Variants in ZNF695 observed in about 807,000 individuals in gnomAD.
ZNF695 encodes zinc finger protein 695.
Under a neutral mutation model 11.2 loss-of-function variants are expected in ZNF695, and 11 were observed. That is an observed-to-expected ratio of 0.98 (90% CI 0.62 to 1.62). The LOEUF (loss-of-function observed/expected upper bound fraction) is 1.62. Ranked by LOEUF, ZNF695 falls within the 40% of genes most tolerant of loss-of-function variation. The pLI, the probability that ZNF695 is intolerant of heterozygous loss-of-function variation, is 0.00. For synonymous variants in ZNF695, 190 were observed against 201.4 expected (o/e 0.94, Z 0.48); for missense variants, 559 against 590.5 (o/e 0.95, Z 0.55).
intron 1 of ZNF695, among the ~76,000 whole-genome samples, chr1:247,000,421 C>T (rs2103031954): frequency 6.6e-6 from 1 of 151,334 alleles, no homozygotes; most frequent in African/African-American, 2.4e-5. Flanking sequence ...AGGAGAGTTG[C>T]TTGAAGCCAA....
At chr1:246,980,008 A>G (rs1402897558) in intron 4 of ZNF695, 6 of 34,084 alleles carry the variant, frequency 1.8e-4, no homozygotes, top group Admixed American at 8.1e-4. Flanking sequence ...GTCTCTACTA[A>G]AAAAAAAAAA....
intron 3 of ZNF695, among the ~76,000 whole-genome samples, chr1:246,994,412 G>A (rs548158197): frequency 3.3e-5 from 5 of 152,018 alleles, no homozygotes; most frequent in South Asian, 2.1e-4. Context: ...GTGGTGGCAC[G>A]CGCCTGTAAC....
chr1:246,990,100 GGAAT>G (rs776281747), intron 3 of ZNF695, among the ~76,000 whole-genome samples: 10 of 147,372 alleles, frequency 6.8e-5, no homozygotes, highest in Non-Finnish European at 1.2e-4. Flanking sequence ...GAGAGAAGAA[GGAAT>G]GAATGAAGGA....
intron 1 of ZNF695, among the ~76,000 whole-genome samples, chr1:247,001,712 CAAAAAAAAAA>C (rs56131097): frequency 1.3e-5 from 1 of 79,284 alleles, no homozygotes; most frequent in African/African-American, 4.9e-5. Context: ...GACTTCGTCT[CAAAAAAAAAA>C]AAAAAAAAAA....
At chr1:246,965,593 C>CTGT (rs1257107109) in intron 5 of ZNF695, among the ~76,000 whole-genome samples, 1 of 151,400 alleles carries the variant, frequency 6.6e-6, no homozygotes, top group East Asian at 2.0e-4. Context: ...AAAAATTAGC[C>CTGT]AGGTGTGGTC....
intron 5 of ZNF695, chr1:246,967,406 C>A: frequency 2.2e-6 from 1 of 456,466 alleles, no homozygotes; most frequent in East Asian, 6.9e-5. Flanking sequence ...GGTGGCAAGA[C>A]ATAGTTGAAT....
intron 4 of ZNF695, among the ~76,000 whole-genome samples, chr1:246,971,984 C>T (rs1017425595): frequency 1.2e-4 from 19 of 152,142 alleles, no homozygotes; most frequent in African/African-American, 4.3e-4. Flanking sequence ...GATCCATCCA[C>T]CGGGGCCTCC....
At chr1:247,000,407 A>G in intron 1 of ZNF695, among the ~76,000 whole-genome samples, 1 of 152,164 alleles carries the variant, frequency 6.6e-6, no homozygotes, top group East Asian at 1.9e-4. Flanking sequence ...TGGGAGGCTG[A>G]GGCAGGAGAG....
chr1:246,959,870 T>C (rs1572507542), intron 5 of ZNF695, among the ~76,000 whole-genome samples: 5 of 152,154 alleles, frequency 3.3e-5, no homozygotes, highest in Admixed American at 3.3e-4. Flanking sequence ...AGATAGGCGG[T>C]GAAAGTGGAC....
intron 5 of ZNF695, among the ~76,000 whole-genome samples, chr1:246,949,622 T>C (rs1667823967): frequency 6.6e-6 from 1 of 151,634 alleles, no homozygotes; most frequent in Non-Finnish European, 1.5e-5. Context: ...AAGAGCTCTA[T>C]CTCTTGAACC....
At chr1:246,968,566 G>C (rs1285199888) in intron 4 of ZNF695, 5 of 152,358 alleles carry the variant, frequency 3.3e-5, no homozygotes, top group Non-Finnish European at 7.3e-5. Context: ...CAGTGCCCCA[G>C]TGGAGACTCT....
chr1:246,947,987 G>A (rs1174186807), intron 5 of ZNF695, among the ~76,000 whole-genome samples: 1 of 152,198 alleles, frequency 6.6e-6, no homozygotes, highest in Admixed American at 6.5e-5. Flanking sequence ...GAAGGATAAT[G>A]TGGTATTGGG....
intron 3 of ZNF695, among the ~76,000 whole-genome samples, chr1:246,989,165 T>C (rs1455192432): frequency 2.6e-5 from 4 of 151,254 alleles, no homozygotes; most frequent in Non-Finnish European, 5.9e-5. Flanking sequence ...CTCGGGAGGC[T>C]GAGGCAGGAG....
At chr1:246,971,161 C>G (rs1668414387) in intron 4 of ZNF695, among the ~76,000 whole-genome samples, 1 of 152,184 alleles carries the variant, frequency 6.6e-6, no homozygotes, top group African/African-American at 2.4e-5. Context: ...GGTAAGGTCA[C>G]ACGAGTCACC....
Position 246,987,791 on chromosome 1 carries a change from AT to A in ZNF695, c.723del (p.Lys241AsnfsTer127). On this transcript the variant is annotated frameshift_variant, in exon 4 of 4. Coordinates refer to ENST00000339986, the MANE Select transcript of ZNF695 (RefSeq NM_020394.5). LOFTEE classifies it low-confidence loss of function (END_TRUNC). Reference sequence around the variant, plus strand: ...TTAAAAATGTTATTACATTCTTCACATTTGCAATGTTTCTCTCCAACATGAA... The same window carrying A: ...TTAAAAATGTTATTACATTCTTCACATTGCAATGTTTCTCTCCAACATGAA... The part of the protein sequence containing the change: ...KRIHVGEKHC[K>X]CEECNNIFKS... 6.2e-7 allele frequency: 1 copy of A among 1,607,762 alleles called. No homozygotes were observed.
intron 5 of ZNF695, among the ~76,000 whole-genome samples, chr1:246,956,866 G>T (rs576778462): frequency 2.6e-5 from 4 of 152,120 alleles, no homozygotes; most frequent in African/African-American, 7.2e-5. Context: ...AGATGATAAC[G>T]TTGTTGTGAT....
Position 247,000,081 on chromosome 1 carries a change from A to T in ZNF695, c.4-7T>A. The T allele has an allele frequency of 1.9e-6, 3 of 1,597,632 alleles. No individual in the cohort carries two copies. The East Asian group carries it at 6.7e-5, about 36-fold the overall frequency. ...CCCTGAATGCCAATAGTCCCTGAAAAAGAAAACATATTTACCAAGTGGTCA... is the reference window on the plus strand; with the variant it reads ...CCCTGAATGCCAATAGTCCCTGAAATAGAAAACATATTTACCAAGTGGTCA... On this transcript the variant is annotated splice_region_variant and splice_polypyrimidine_tract_variant and intron_variant, in intron 1 of 3. Coordinates refer to ENST00000339986, the MANE Select transcript of ZNF695 (RefSeq NM_020394.5).
intron 5 of ZNF695, among the ~76,000 whole-genome samples, chr1:246,948,661 T>C (rs1242229850): frequency 6.6e-6 from 1 of 152,168 alleles, no homozygotes; most frequent in East Asian, 1.9e-4. Context: ...GCATGAAAAG[T>C]GTCTGGCACG....
At chr1:246,983,154 T>C (rs1008286365), downstream of ZNF695, among the ~76,000 whole-genome samples, 6 of 150,666 alleles carry the variant, frequency 4.0e-5, no homozygotes, top group Non-Finnish European at 8.9e-5. Context: ...CAGTGAGCCG[T>C]GATCGCGCCA....
Sources: gnomAD v4.1 joint callset for allele counts (sites outside exome capture counted in the v4.1 genomes callset) on GRCh38, gnomAD v4.1.1 for gene constraint, MANE v1.5 for transcripts, NCBI Gene and HGNC (gene_info 2026-07-23, HGNC 2026-07-21) for gene names.